The following FBXL17 variants were observed in gnomAD, a reference collection of about 807,000 sequenced individuals.
FBXL17 encodes the protein F-box/LRR-repeat protein 17.
Under a neutral mutation model 66.2 loss-of-function variants are expected in FBXL17, and 22 were observed. The observed-to-expected ratio is 0.33, with a 90% CI of 0.24 to 0.47. The LOEUF (loss-of-function observed/expected upper bound fraction) is 0.47. Among genes scored for constraint, FBXL17 ranks in the 20% least tolerant of loss-of-function variants. The pLI, the probability that FBXL17 is intolerant of heterozygous loss-of-function variation, is 1.00. For missense variants in FBXL17, 878 were observed against 948.2 expected (o/e 0.93, Z 0.97); for synonymous variants, 474 against 400.5 (o/e 1.18, Z -2.19).
intron 6 of FBXL17, among the ~76,000 whole-genome samples, chr5:108,089,227 T>C (rs540455119): frequency 2.0e-5 from 3 of 152,210 alleles, no homozygotes; most frequent in Non-Finnish European, 4.4e-5. Flanking sequence ...GCGAGCCAGT[T>C]AGAATTTGTG....
rs139190634 is a variant in FBXL17, at chr5:108,179,439, T to C, written c.1745+6678A>G. 7.6e-3 allele frequency among the ~76,000 whole-genome samples: 1,164 copies of C among 152,296 alleles called. 12 individuals carry two copies. Among genetic ancestry groups the C allele is most frequent in the Middle Eastern group, 0.02 (6 of 294 alleles). ...TAAAAAAACAAAAGAGGGCTTTTTC[T>C]ATACAAAAATAAAAAAAGAGACAGA... is the stretch of plus-strand genomic sequence containing the variant. On this transcript the variant is annotated intron_variant, in intron 6 of 8. Coordinates refer to ENST00000542267, the MANE Select transcript of FBXL17 (RefSeq NM_001163315.3).
At chr5:108,314,823 A>G (rs1368812406) in intron 4 of FBXL17, among the ~76,000 whole-genome samples, 1 of 151,526 alleles carries the variant, frequency 6.6e-6, no homozygotes, top group Non-Finnish European at 1.5e-5. Flanking sequence ...TTCAAAATCT[A>G]TAGTCTTATT....
intron 7 of FBXL17, among the ~76,000 whole-genome samples, chr5:107,969,123 G>C (rs1041861527): frequency 2.6e-5 from 4 of 152,136 alleles, no homozygotes; most frequent in South Asian, 2.1e-4. Flanking sequence ...ATGACACAGT[G>C]GAGTGGCAGC....
intron 6 of FBXL17, among the ~76,000 whole-genome samples, chr5:108,102,274 G>A (rs555209725): frequency 5.8e-4 from 89 of 152,222 alleles, no homozygotes; most frequent in African/African-American, 1.8e-3. Context: ...CTTCAGTTCC[G>A]TATCTGTTTT....
chr5:108,138,101 T>C (rs577904075), intron 6 of FBXL17, among the ~76,000 whole-genome samples: 6 of 152,284 alleles, frequency 3.9e-5, no homozygotes, highest in Admixed American at 3.3e-4. Flanking sequence ...AAGGACAAGA[T>C]TGTTGGTAGG....
intron 6 of FBXL17, among the ~76,000 whole-genome samples, chr5:108,124,892 A>G (rs75617745): frequency 0.12 from 18,546 of 152,030 alleles, 1,354 homozygotes; most frequent in Admixed American, 0.16. Context: ...AATTTAGCTA[A>G]CATAGCTTTA....
At chr5:108,344,650 G>A (rs1481772481) in intron 4 of FBXL17, among the ~76,000 whole-genome samples, 2 of 152,052 alleles carry the variant, frequency 1.3e-5, no homozygotes, top group Non-Finnish European at 2.9e-5. Context: ...TAATCTATCC[G>A]ACCTCATCGT....
chr5:108,307,451 C>CAT (rs761801102), intron 4 of FBXL17, among the ~76,000 whole-genome samples: 7 of 151,982 alleles, frequency 4.6e-5, no homozygotes, highest in Non-Finnish European at 8.8e-5. Context: ...GGACTACTGG[C>CAT]ATGTGTCGCC....
chr5:107,978,573 G>C (rs1752678176), intron 7 of FBXL17, among the ~76,000 whole-genome samples: 1 of 152,122 alleles, frequency 6.6e-6, no homozygotes, highest in Non-Finnish European at 1.5e-5. Flanking sequence ...TCTGGCCACT[G>C]ACTGATTCTA....
At position 108,168,475 on chromosome 5, in the gene FBXL17, C is replaced by G. The variant is rs1385911522; in HGVS notation, c.1745+17642G>C. 3.3e-5 allele frequency among the ~76,000 whole-genome samples: 5 copies of G among 152,128 alleles called. No homozygotes were observed. The East Asian group carries it at 9.6e-4, about 29-fold the overall frequency. ...AAATTTTCATACATATATGATTGGC[C>G]CATTCCAAATGACTGCTTTAATAGA... On this transcript the variant is annotated intron_variant, in intron 6 of 8. Coordinates refer to ENST00000542267, the MANE Select transcript of FBXL17 (RefSeq NM_001163315.3).
intron 5 of FBXL17, among the ~76,000 whole-genome samples, chr5:108,196,395 ACT>A (rs1415036189): frequency 2.0e-5 from 3 of 152,148 alleles, no homozygotes; most frequent in Middle Eastern, 3.4e-3. Flanking sequence ...AGAGCAGGAG[ACT>A]CTGCCCTCTG....
intron 1 of FBXL17, among the ~76,000 whole-genome samples, chr5:108,374,173 G>T (rs1477863568): frequency 6.6e-6 from 1 of 152,062 alleles, no homozygotes; most frequent in Non-Finnish European, 1.5e-5. Context: ...CAAGTAAACT[G>T]AACACTTGAA....
chr5:108,045,639 T>C (rs1286296925), intron 6 of FBXL17, among the ~76,000 whole-genome samples: 1 of 152,182 alleles, frequency 6.6e-6, no homozygotes, highest in Non-Finnish European at 1.5e-5. Flanking sequence ...ATACCAAATT[T>C]AGAAAATTGT....
intron 4 of FBXL17, among the ~76,000 whole-genome samples, chr5:108,231,785 A>G (rs2922432): frequency 0.75 from 114,028 of 152,118 alleles, 43,110 homozygotes; most frequent in East Asian, 0.93. Context: ...ACTCCATAAA[A>G]GAGATAGGAA....
intron 4 of FBXL17, among the ~76,000 whole-genome samples, chr5:108,310,778 G>T (rs1375282444): frequency 6.6e-6 from 1 of 152,124 alleles, no homozygotes; most frequent in African/African-American, 2.4e-5. Flanking sequence ...TGGAATGTAA[G>T]TTTCTTTTAT....
chr5:108,306,945 C>T (rs2150189619), intron 4 of FBXL17, among the ~76,000 whole-genome samples: 1 of 152,164 alleles, frequency 6.6e-6, no homozygotes, highest in South Asian at 2.1e-4. Flanking sequence ...TTATGCCTCT[C>T]TTAATCCCTC....
intron 4 of FBXL17, chr5:108,298,216 CAAT>C (rs1561514093): frequency 2.0e-6 from 2 of 982,002 alleles, no homozygotes; most frequent in Admixed American, 6.2e-5. Context: ...AATGCCCCAA[CAAT>C]AACTTTTTGT....
chr5:108,055,570 C>G (rs1027308814), intron 6 of FBXL17, among the ~76,000 whole-genome samples: 1 of 128,250 alleles, frequency 7.8e-6, no homozygotes, highest in African/African-American at 2.9e-5. Context: ...GATTGTGCCA[C>G]TGCTCTATAG....
chr5:107,987,057 G>A (rs538188303), intron 7 of FBXL17, among the ~76,000 whole-genome samples: 1 of 151,970 alleles, frequency 6.6e-6, no homozygotes, highest in Non-Finnish European at 1.5e-5. Flanking sequence ...ATACATTTTT[G>A]AGCAATGGCA....
Sources: allele counts gnomAD v4.1 joint callset (sites outside exome capture counted in the v4.1 genomes callset), GRCh38; gene constraint gnomAD v4.1.1; transcripts MANE v1.5; gene names NCBI Gene and HGNC (gene_info 2026-07-23, HGNC 2026-07-21).